RAD51B: variants seen among roughly 807,000 people sequenced by gnomAD.
The protein encoded by RAD51B is RAD51 paralog B.
A neutral mutation model predicts 42.2 loss-of-function variants in RAD51B; 38 were observed. That is an observed-to-expected ratio of 0.90 (90% CI 0.70 to 1.18). The LOEUF (loss-of-function observed/expected upper bound fraction) is 1.18. Among genes scored for constraint, RAD51B ranks in the 50% most tolerant of loss-of-function variants. The probability of loss-of-function intolerance (pLI) is 0.00; values close to 1 mark genes in which losing one functional copy is unlikely to be tolerated. For missense variants in RAD51B, 373 were observed against 400.7 expected (o/e 0.93, Z 0.59); for synonymous variants, 154 against 145.2 (o/e 1.06, Z -0.43).
intron 7 of RAD51B, among the ~76,000 whole-genome samples, chr14:68,227,722 A>G (rs563613631): frequency 6.6e-6 from 1 of 152,228 alleles, no homozygotes; most frequent in East Asian, 1.9e-4. Flanking sequence ...GAGACAGTGT[A>G]CAGACACTTA....
chr14:68,416,304 C>T (rs1171759112), intron 9 of RAD51B, among the ~76,000 whole-genome samples: 1 of 152,116 alleles, frequency 6.6e-6, no homozygotes, highest in Non-Finnish European at 1.5e-5. Flanking sequence ...TCCCTGACAC[C>T]AGCTGTGATC....
intron 8 of RAD51B, among the ~76,000 whole-genome samples, chr14:68,337,964 G>T (rs982462040): frequency 2.7e-5 from 4 of 150,852 alleles, no homozygotes; most frequent in Non-Finnish European, 4.4e-5. Context: ...GTTTTGTTTT[G>T]TTTTGTTTTA....
intron 8 of RAD51B, among the ~76,000 whole-genome samples, chr14:68,405,907 A>AAAC (rs1455432018): frequency 6.6e-6 from 1 of 151,946 alleles, no homozygotes; most frequent in Non-Finnish European, 1.5e-5. Flanking sequence ...TTTTCTTGAC[A>AAAC]AACTTTAGAG....
At chr14:68,059,878 T>G (rs1423620673) in intron 7 of RAD51B, among the ~76,000 whole-genome samples, 7 of 152,254 alleles carry the variant, frequency 4.6e-5, no homozygotes, top group Non-Finnish European at 8.8e-5. Context: ...TTAAAATTTT[T>G]TATTTTATAG....
intron 11 of RAD51B, among the ~76,000 whole-genome samples, chr14:68,667,421 C>CTGGT (rs1213072709): frequency 1.6e-5 from 2 of 127,796 alleles, no homozygotes. Context: ...TTAAAGTCAG[C>CTGGT]TGGTTGTAAA....
intron 7 of RAD51B, among the ~76,000 whole-genome samples, chr14:68,205,014 A>G (rs1235290188): frequency 6.6e-6 from 1 of 152,196 alleles, no homozygotes; most frequent in Non-Finnish European, 1.5e-5. Context: ...GACAATAAAA[A>G]AATCAGACAG....
At chr14:68,543,679 C>T (rs752429920) in intron 10 of RAD51B, among the ~76,000 whole-genome samples, 10 of 152,230 alleles carry the variant, frequency 6.6e-5, no homozygotes, top group Non-Finnish European at 1.3e-4. Flanking sequence ...TTTTGGCCCA[C>T]AGCTTCGATG....
intron 7 of RAD51B, among the ~76,000 whole-genome samples, chr14:68,066,325 A>G (rs2140454098): frequency 6.6e-6 from 1 of 152,196 alleles, no homozygotes; most frequent in African/African-American, 2.4e-5. Context: ...AAATTTAAAA[A>G]AAAGATTCTG....
At chr14:67,869,772 G>T (rs980347716) in intron 5 of RAD51B, among the ~76,000 whole-genome samples, 22 of 152,150 alleles carry the variant, frequency 1.4e-4, no homozygotes, top group African/African-American at 5.1e-4. Context: ...AGAGAGTGGG[G>T]GCCAACATTC....
intron 10 of RAD51B, among the ~76,000 whole-genome samples, chr14:68,608,022 A>T (rs1463315445): frequency 6.6e-6 from 1 of 152,234 alleles, no homozygotes; most frequent in Non-Finnish European, 1.5e-5. Flanking sequence ...CAGGGGTGGT[A>T]TGAGGCCAAA....
intron 10 of RAD51B, among the ~76,000 whole-genome samples, chr14:68,601,173 C>CA (rs1891201706): frequency 6.6e-6 from 1 of 152,126 alleles, no homozygotes; most frequent in Non-Finnish European, 1.5e-5. Flanking sequence ...ATCTTGCGGC[C>CA]ACTCTCTGAA....
At chr14:67,879,178 AGGGCCTAAGCTGT>A (rs1241421844) in intron 5 of RAD51B, among the ~76,000 whole-genome samples, 2 of 152,256 alleles carry the variant, frequency 1.3e-5, no homozygotes, top group African/African-American at 4.8e-5. Context: ...CTCTCAGGCA[AGGGCCTAAGCTGT>A]AGTCCATAGG....
chr14:68,285,653 A>G (rs12323732), intron 7 of RAD51B, among the ~76,000 whole-genome samples: 31 of 152,268 alleles, frequency 2.0e-4, no homozygotes, highest in Admixed American at 1.2e-3. Flanking sequence ...GATGTGTGTT[A>G]GATTGTGGCA....
chr14:68,278,023 G>A (rs1433753637), intron 7 of RAD51B, among the ~76,000 whole-genome samples: 2 of 152,228 alleles, frequency 1.3e-5, no homozygotes, highest in African/African-American at 4.8e-5. Context: ...GATTACAGGC[G>A]TGAGCCACTG....
chr14:68,392,296 T>C (rs1016852024), intron 8 of RAD51B, among the ~76,000 whole-genome samples: 2 of 152,242 alleles, frequency 1.3e-5, no homozygotes, highest in Non-Finnish European at 2.9e-5. Flanking sequence ...CCCTGTTTTT[T>C]TGGAATCTTC....
intron 7 of RAD51B, among the ~76,000 whole-genome samples, chr14:68,290,029 C>T (rs577279083): frequency 3.3e-5 from 5 of 152,278 alleles, no homozygotes; most frequent in African/African-American, 7.2e-5. Flanking sequence ...CTTGCCGTCC[C>T]GGTCCCTCTC....
intron 7 of RAD51B, among the ~76,000 whole-genome samples, chr14:67,888,011 A>G (rs894321241): frequency 6.6e-6 from 1 of 152,194 alleles, no homozygotes; most frequent in Non-Finnish European, 1.5e-5. Context: ...AAATTTGGTT[A>G]TGATTTTATA....
chr14:68,235,971 A>G (rs1054850438), intron 7 of RAD51B, among the ~76,000 whole-genome samples: 3 of 152,172 alleles, frequency 2.0e-5, no homozygotes, highest in African/African-American at 4.8e-5. Flanking sequence ...AAACCAAGCC[A>G]TGTGTTCTTA....
chr14:68,674,913 T>C (rs569241629), intron 11 of RAD51B, among the ~76,000 whole-genome samples: 5 of 152,336 alleles, frequency 3.3e-5, no homozygotes, highest in African/African-American at 4.8e-5. Context: ...CTGCTCAGCC[T>C]TGGGGGTCCA....
Sources: allele counts gnomAD v4.1 joint callset (sites outside exome capture counted in the v4.1 genomes callset), GRCh38; gene constraint gnomAD v4.1.1; transcripts MANE v1.5; gene names NCBI Gene and HGNC (gene_info 2026-07-23, HGNC 2026-07-21).